Variants in CMYA5 observed in about 807,000 individuals in gnomAD.
The protein encoded by CMYA5 is cardiomyopathy-associated protein 5.
A neutral mutation model predicts 318.9 loss-of-function variants in CMYA5; 246 were observed. The observed-to-expected ratio is 0.77, with a 90% confidence interval of 0.70 to 0.86. CMYA5 has a LOEUF of 0.86. Ranked by LOEUF, CMYA5 falls within the 40% of genes least tolerant of loss-of-function variation. The pLI is 0.00. For synonymous variants in CMYA5, 1,641 were observed against 1,729.5 expected, an observed-to-expected ratio of 0.95 and a Z score of 1.27; for missense variants, 4,589 against 4,678.2, an observed-to-expected ratio of 0.98 and a Z score of 0.56.
intron 1 of CMYA5, among the ~76,000 whole-genome samples, chr5:79,725,798 C>T (rs1405874892): frequency 2.0e-5 from 3 of 152,156 alleles, no homozygotes; most frequent in African/African-American, 7.2e-5. Flanking sequence ...CAGCTACTTC[C>T]GAGGCTGAGG....
intron 1 of CMYA5, among the ~76,000 whole-genome samples, chr5:79,694,261 G>T: frequency 6.6e-6 from 1 of 152,198 alleles, no homozygotes; most frequent in Non-Finnish European, 1.5e-5. Context: ...GGAAAGCACA[G>T]TGATTGCAAT....
chr5:79,792,974 G>A (rs1829205297), intron 11 of CMYA5, among the ~76,000 whole-genome samples: 1 of 152,218 alleles, frequency 6.6e-6, no homozygotes, highest in Admixed American at 6.5e-5. Context: ...TTTGGTGGCT[G>A]TGTCCAGTAA....
Position 79,732,797 on chromosome 5 carries a change from AAAAG to A in CMYA5, c.4036_4039del (p.Glu1346LeufsTer12), listed in dbSNP as rs1444041678. The A allele has an allele frequency of 6.2e-7, 1 of 1,613,774 alleles. No individual in the cohort carries two copies. The highest frequency in any genetic ancestry group is 8.5e-7 in the Non-Finnish European group (1 of 1,179,810). ...TTTCAGCTTTGTCAGAAGAAATTAA[AAAAG>A]AAATTGAACCCAGTTCCTCAACAAC... On this transcript the variant is annotated frameshift_variant, in exon 2 of 13. Transcript: ENST00000446378. LOFTEE classifies it high-confidence loss of function.
intron 1 of CMYA5, among the ~76,000 whole-genome samples, chr5:79,719,054 C>T (rs1215645993): frequency 7.0e-6 from 1 of 143,156 alleles, no homozygotes; most frequent in African/African-American, 2.7e-5. Context: ...CAAACTTAAC[C>T]TTCAGATAAA....
At chr5:79,796,855 G>A (rs200974222) in intron 12 of CMYA5, among the ~76,000 whole-genome samples, 1 of 151,670 alleles carries the variant, frequency 6.6e-6, no homozygotes, top group Non-Finnish European at 1.5e-5. Flanking sequence ...ACATGTCAAC[G>A]TTACGGATCA....
In CMYA5 at chr5:79,690,000, G is replaced by A; in HGVS notation, c.93G>A (p.Glu31=). 1 of 1,467,840 alleles carries A rather than the reference G, an allele frequency of 6.8e-7. No homozygotes were observed. The highest frequency in any genetic ancestry group is 9.2e-7 in the Non-Finnish European group (1 of 1,088,860). 90.9% of individuals were successfully genotyped at this position (1,467,840 alleles called of 1,614,324 possible). A position where few individuals can be genotyped will look rare whatever the true frequency, so the allele number is the denominator to read the frequency against. The stretch of plus-strand genomic sequence containing the variant: ...CCCGGGAGCTGGAGACCGAGGAGGA[G>A]TCGGAGGGCGAGGAGGACGAGACGG... ...EATRELETEE[E]SEGEEDETAA... The change falls in exon 1 of 13, where the codon GAG becomes GAA. Residue 31 remains glutamate, a synonymous_variant. Coordinates refer to ENST00000446378, the MANE Select transcript of CMYA5 (RefSeq NM_153610.5).
chr5:79,747,160 G>A (rs1244344040), intron 5 of CMYA5, 47 bp downstream of exon 5: 15 of 1,502,956 alleles, frequency 1.0e-5, no homozygotes, highest in Non-Finnish European at 1.2e-5. Flanking sequence ...ATGACTGGAT[G>A]CTTGCTTTTT....
chr5:79,689,864 C>T lies in CMYA5; in HGVS notation c.-44C>T, dbSNP rs1826911959. 4 of 656,262 alleles carry T rather than the reference C, an allele frequency of 6.1e-6. No individual in the cohort carries two copies. Among genetic ancestry groups the T allele is most frequent in the Admixed American group, 2.3e-5 (1 of 43,552 alleles). 40.7% of individuals were successfully genotyped at this position (656,262 alleles called of 1,614,324 possible). A position where few individuals can be genotyped will look rare whatever the true frequency, so the allele number is the denominator to read the frequency against. On this transcript the variant is annotated 5_prime_UTR_variant, in exon 1 of 13. Coordinates refer to ENST00000446378, the MANE Select transcript of CMYA5 (RefSeq NM_153610.5). ...CGGAGGGAGAACACCAGGCGCGGCG[C>T]GGGCGGCTCCGGCTCCGGCCCCGGC...
At chr5:79,791,886 G>A (rs1829186963) in intron 11 of CMYA5, among the ~76,000 whole-genome samples, 1 of 152,166 alleles carries the variant, frequency 6.6e-6, no homozygotes, top group Non-Finnish European at 1.5e-5. Context: ...TTGCCTGCAA[G>A]CTCTGGGGGT....
At chr5:79,721,291 C>G (rs962682299) in intron 1 of CMYA5, among the ~76,000 whole-genome samples, 3 of 151,828 alleles carry the variant, frequency 2.0e-5, no homozygotes, top group Non-Finnish European at 2.9e-5. Context: ...TGAGACCAGC[C>G]TGGGCAACAT....
In CMYA5 at chr5:79,731,937, T is replaced by C; in HGVS notation, c.3172T>C (p.Phe1058Leu). ...STAATPVSEQ[F>L]SSSQKQKAET... ...AGCTGCTACACCTGTATCTGAGCAG[T>C]TCAGTTCATCACAGAAGCAAAAAGC... Residue 1058 changes from phenylalanine (F) to leucine (L), a missense_variant, in exon 2 of 13, where the codon TTC becomes CTC. Coordinates refer to ENST00000446378, the MANE Select transcript of CMYA5 (RefSeq NM_153610.5). 1.2e-6 allele frequency: 2 copies of C among 1,613,232 alleles called. No individual in the cohort carries two copies. Among genetic ancestry groups the C allele is most frequent in the Non-Finnish European group, 8.5e-7 (1 of 1,179,650 alleles).
intron 10 of CMYA5, among the ~76,000 whole-genome samples, chr5:79,790,651 G>A (rs1451706781): frequency 6.6e-6 from 1 of 152,204 alleles, no homozygotes; most frequent in African/African-American, 2.4e-5. Flanking sequence ...GGCTGCGGTG[G>A]GGTCCGAGAG....
chr5:79,794,380 G>A (rs1051152822), intron 12 of CMYA5, among the ~76,000 whole-genome samples: 5 of 152,188 alleles, frequency 3.3e-5, no homozygotes, highest in Non-Finnish European at 7.4e-5. Flanking sequence ...TGAAAAAGCC[G>A]TTAGCCTGTG....
intron 1 of CMYA5, among the ~76,000 whole-genome samples, chr5:79,726,289 ATTCAAAATGC>A (rs1827747558): frequency 6.6e-6 from 1 of 152,226 alleles, no homozygotes; most frequent in Non-Finnish European, 1.5e-5. Flanking sequence ...ATTCATGGGC[ATTCAAAATGC>A]TGACTTCCCA....
chr5:79,770,683 G>T (rs896084751), intron 9 of CMYA5, among the ~76,000 whole-genome samples: 2 of 152,086 alleles, frequency 1.3e-5, no homozygotes, highest in South Asian at 2.1e-4. Context: ...CATTGATCTC[G>T]CTGGGAGCTG....
At position 79,737,674 on chromosome 5, in the gene CMYA5, G is replaced by T. The variant is rs1355914076; in HGVS notation, c.8909G>T (p.Ser2970Ile). The change falls in exon 2 of 13, where the codon AGT becomes ATT. Residue 2970 changes from serine (S) to isoleucine (I), a missense_variant. Physicochemically the swap from Ser to Ile is moderately radical, Grantham distance 142 (BLOSUM62 -2). Transcript: ENST00000446378. ...AFISSIDQEESEQMQDKLEYL... is the reference protein window; with the variant it reads ...AFISSIDQEEIEQMQDKLEYL... ...ATTTCTTCAATCGATCAGGAAGAAA[G>T]TGAACAAATGCAAGATAAATTAGAA... 5.6e-6 allele frequency: 9 copies of T among 1,613,078 alleles called. No homozygotes were observed. The highest frequency in any genetic ancestry group is 1.6e-4 in the Middle Eastern group (1 of 6,082).
chr5:79,743,548 G>A (rs896567350), intron 2 of CMYA5, among the ~76,000 whole-genome samples: 2 of 152,024 alleles, frequency 1.3e-5, no homozygotes, highest in Admixed American at 1.3e-4. Context: ...TATGTTTTGA[G>A]CTCATCAGTT....
intron 2 of CMYA5, among the ~76,000 whole-genome samples, chr5:79,740,259 G>A (rs944493194): frequency 1.3e-5 from 2 of 152,156 alleles, no homozygotes; most frequent in Admixed American, 6.5e-5. Context: ...CACACTGTGT[G>A]CCACACATTT....
intron 6 of CMYA5, among the ~76,000 whole-genome samples, chr5:79,758,259 T>A (rs1828570012): frequency 6.7e-6 from 1 of 148,878 alleles, no homozygotes; most frequent in African/African-American, 2.5e-5. Flanking sequence ...TTGGCCGGTG[T>A]GGTGGCTCAT....
Sources: gnomAD v4.1 joint callset for allele counts (sites outside exome capture counted in the v4.1 genomes callset) on GRCh38, gnomAD v4.1.1 for gene constraint, MANE v1.5 for transcripts, NCBI Gene and HGNC (gene_info 2026-07-23, HGNC 2026-07-21) for gene names.